The following RYR2 variants were observed in gnomAD, a reference collection of about 807,000 sequenced individuals.
RYR2 encodes ryanodine receptor 2.
In RYR2, 227 loss-of-function variants were observed where a neutral mutation model predicts 601.1. The observed-to-expected ratio is 0.38, with a 90% CI of 0.34 to 0.42. The LOEUF is 0.42. Among genes scored for constraint, RYR2 ranks in the 10% least tolerant of loss-of-function variants. RYR2 has a pLI of 1.00. For missense variants in RYR2, 4,646 were observed against 6,156.5 expected (o/e 0.75, Z 8.21); for synonymous variants, 2,223 against 2,175.1 (o/e 1.02, Z -0.61).
chr1:237,614,368 G>A lies in RYR2; in HGVS notation c.5240G>A (p.Gly1747Asp). The change falls in exon 37 of 105, where the codon GGC (glycine) becomes GAC (aspartate). Residue 1747 changes from glycine to aspartate, a missense_variant. Gly to Asp is a moderately conservative substitution (Grantham distance 94, BLOSUM62 -1). Around this residue, in one of 17 missense-constraint regions of RYR2, gnomAD observed 1,807 missense variants for 2,088.1 expected, o/e 0.87. Transcript: ENST00000366574. The surrounding 1 kb of genome is among the most constrained non-coding windows in gnomAD (Gnocchi z 4.3). ...TLFPDENKKHGLPGIGLSTSL... is the reference protein window; with the variant it reads ...TLFPDENKKHDLPGIGLSTSL... Reference sequence around the variant, plus strand: ...TTCCCTGATGAGAACAAAAAACACGGCCTTCCAGGGATCGGCCTCAGCACC... The same window carrying A: ...TTCCCTGATGAGAACAAAAAACACGACCTTCCAGGGATCGGCCTCAGCACC... 1 of 1,613,994 alleles carries A rather than the reference G, an allele frequency of 6.2e-7. No homozygotes were observed. Among genetic ancestry groups the A allele is most frequent in the East Asian group, 2.2e-5 (1 of 44,880 alleles).
intron 22 of RYR2, among the ~76,000 whole-genome samples, chr1:237,505,827 C>G (rs1026116765): frequency 6.6e-6 from 1 of 152,228 alleles, no homozygotes; most frequent in Non-Finnish European, 1.5e-5. Flanking sequence ...CGTAAACAAC[C>G]AGTCCCTTAC....
chr1:237,441,229 G>A, intron 12 of RYR2, 90 bp from the exon 13 acceptor site: 2 of 1,402,436 alleles, frequency 1.4e-6, no homozygotes, highest in South Asian at 1.3e-5. Flanking sequence ...AATTTTTCAA[G>A]GAACATATTT....
chr1:237,642,150 GCA>G (rs1681624020), intron 47 of RYR2, among the ~76,000 whole-genome samples: 1 of 152,066 alleles, frequency 6.6e-6, no homozygotes, highest in Non-Finnish European at 1.5e-5. Context: ...TTCTTACAAA[GCA>G]CCTTTTTCTC....
intron 1 of RYR2, among the ~76,000 whole-genome samples, chr1:237,192,621 C>T (rs993146154): frequency 1.3e-5 from 2 of 152,186 alleles, no homozygotes; most frequent in Non-Finnish European, 1.5e-5. Flanking sequence ...ATTAATTAGC[C>T]TTAAGGCATT....
At chr1:237,328,144 T>A (rs1052938055) in intron 2 of RYR2, among the ~76,000 whole-genome samples, 1 of 152,204 alleles carries the variant, frequency 6.6e-6, no homozygotes, top group Non-Finnish European at 1.5e-5. Context: ...ATGCTACAAA[T>A]CAAGGCATTT....
intron 1 of RYR2, among the ~76,000 whole-genome samples, chr1:237,209,497 A>ATG (rs55861841): frequency 3.0e-4 from 43 of 143,302 alleles, no homozygotes; most frequent in Admixed American, 7.1e-4. Context: ...ATCTGCATAT[A>ATG]TGTGTGTGTG....
At chr1:237,116,874 G>T (rs936538236) in intron 1 of RYR2, among the ~76,000 whole-genome samples, 6 of 152,228 alleles carry the variant, frequency 3.9e-5, no homozygotes, top group African/African-American at 1.4e-4. Context: ...ACCCACATTA[G>T]GTAGGGCAGT....
intron 4 of RYR2, among the ~76,000 whole-genome samples, chr1:237,358,551 G>A (rs1425380940): frequency 6.6e-6 from 1 of 152,040 alleles, no homozygotes; most frequent in Non-Finnish European, 1.5e-5. Context: ...AGAAAACTCT[G>A]ACCTGAGCTT....
intron 1 of RYR2, among the ~76,000 whole-genome samples, chr1:237,042,921 T>TGGGACCTCCCGGGCGGCC (rs1299783394): frequency 1.3e-5 from 2 of 151,924 alleles, no homozygotes; most frequent in Non-Finnish European, 2.9e-5. Context: ...GTGGCACGGC[T>TGGGACCTCCCGGGCGGCC]GGGACCTCCC....
chr1:237,476,748 C>T (rs1247477414), intron 17 of RYR2, among the ~76,000 whole-genome samples: 9 of 152,084 alleles, frequency 5.9e-5, no homozygotes, highest in Admixed American at 5.9e-4. Context: ...GGAAGTTTTC[C>T]TCCTTGATAT....
chr1:237,333,223 A>T (rs1200512674), intron 3 of RYR2, among the ~76,000 whole-genome samples: 1 of 152,258 alleles, frequency 6.6e-6, no homozygotes, highest in Non-Finnish European at 1.5e-5. Flanking sequence ...AACACATTGC[A>T]TGAAGCTGAA....
At chr1:237,779,841 A>T (rs1694954781) in intron 88 of RYR2, among the ~76,000 whole-genome samples, 2 of 152,238 alleles carry the variant, frequency 1.3e-5, no homozygotes, top group Admixed American at 1.3e-4. Context: ...GACTGGGAAT[A>T]TTAATGGGAG....
intron 12 of RYR2, among the ~76,000 whole-genome samples, chr1:237,437,340 C>T (rs1707504034): frequency 2.0e-5 from 3 of 152,186 alleles, no homozygotes; most frequent in Non-Finnish European, 4.4e-5. Context: ...GCGTGAGCCA[C>T]CGCGCCCAGC....
rs564119439 is a variant in RYR2, at chr1:237,282,550, G to A, written c.168+11934G>A. 1.1e-4 allele frequency among the ~76,000 whole-genome samples: 16 copies of A among 152,212 alleles called. No individual in the cohort carries two copies. The East Asian group carries it at 1.9e-3, about 18-fold the overall frequency. On this transcript the variant is annotated intron_variant, in intron 2 of 104. Transcript: ENST00000366574. ...GGAAAGCTAGACAAATAAAATGGGA[G>A]CAACTGTCAGAGATATGATAGAGGC...
intron 62 of RYR2, among the ~76,000 whole-genome samples, chr1:237,684,934 G>GAAAA (rs3035867): frequency 8.1e-5 from 12 of 147,736 alleles, no homozygotes; most frequent in African/African-American, 2.7e-4. Flanking sequence ...TAATTAGAGA[G>GAAAA]AAAAAAAAAA....
At chr1:237,683,449 A>G (rs1237560745) in intron 62 of RYR2, among the ~76,000 whole-genome samples, 1 of 152,228 alleles carries the variant, frequency 6.6e-6, no homozygotes, top group Admixed American at 6.5e-5. Context: ...ATTCAAAGTA[A>G]AGTAAGACCA....
chr1:237,658,655 C>G (rs931908633), intron 54 of RYR2, among the ~76,000 whole-genome samples: 3 of 152,172 alleles, frequency 2.0e-5, no homozygotes, highest in African/African-American at 7.2e-5. Flanking sequence ...CAGCCTCAGC[C>G]TCCCAAACTG....
At chr1:237,199,265 A>C (rs1680910134) in intron 1 of RYR2, among the ~76,000 whole-genome samples, 1 of 152,218 alleles carries the variant, frequency 6.6e-6, no homozygotes, top group African/African-American at 2.4e-5. Flanking sequence ...GAGGTCCCAC[A>C]ATAGGCCATC....
Position 237,792,152 on chromosome 1 carries a change from T to C in RYR2, c.13611T>C (p.Ser4537=). 1 of 1,610,246 alleles carries C rather than the reference T, an allele frequency of 6.2e-7. No homozygotes were observed. Among genetic ancestry groups the C allele is most frequent in the Non-Finnish European group, 8.5e-7 (1 of 1,178,306 alleles). The change falls in exon 94 of 105, where the codon AGT becomes AGC. Residue 4537 remains serine (S), a synonymous_variant. Transcript: ENST00000366574. The part of the protein sequence containing the change: ...VVEGKELPTR[S]SSENAKVTSL... ...AAGGAAAGGAGCTCCCCACGAGAAG[T>C]TCAAGTGAAAATGCCAAAGTGACAA...
Sources: gnomAD v4.1 joint callset for allele counts (sites outside exome capture counted in the v4.1 genomes callset) on GRCh38, gnomAD v4.1.1 for gene constraint, gnomAD v4.1.1 regional missense constraint, Gnocchi (gnomAD v3.1) non-coding constraint, MANE v1.5 for transcripts, NCBI Gene and HGNC (gene_info 2026-07-23, HGNC 2026-07-21) for gene names.